The following TRAPPC8 variants were observed in gnomAD, a reference collection of about 807,000 sequenced individuals.
The protein encoded by TRAPPC8 is general sporulation gene 1 homolog.
In TRAPPC8, 54 loss-of-function variants were observed where a neutral mutation model predicts 174.3. The ratio of observed to expected loss-of-function variants is 0.31; its 90% CI spans 0.25 to 0.39. The LOEUF (loss-of-function observed/expected upper bound fraction) is 0.39. Among genes scored for constraint, TRAPPC8 ranks in the 10% least tolerant of loss-of-function variants. The pLI is 1.00. For synonymous variants in TRAPPC8, 630 were observed against 579.9 expected, an observed-to-expected ratio of 1.09 and a Z score of -1.24; for missense variants, 1,531 against 1,699.1, an observed-to-expected ratio of 0.90 and a Z score of 1.74.
At chr18:31,921,823 A>AT (rs1041611390) in intron 2 of TRAPPC8, among the ~76,000 whole-genome samples, 3 of 152,284 alleles carry the variant, frequency 2.0e-5, no homozygotes, top group Non-Finnish European at 4.4e-5. Flanking sequence ...GAGGTTATCC[A>AT]ATTATATATA....
In TRAPPC8 at chr18:31,896,664, C is replaced by T. The variant is rs142293285; in HGVS notation, c.1596+1122G>A. Among the ~76,000 whole-genome samples, 407 of 152,276 alleles carry T rather than the reference C, an allele frequency of 2.7e-3. 2 individuals carry two copies. The highest frequency in any genetic ancestry group is 8.8e-3 in the African/African-American group (367 of 41,556). ...TTGAGACAAATGAGTCTCGCTCTGT[C>T]GTCCAGGCTGGAGTGCAGTGGTGCG... On this transcript the variant is annotated intron_variant, in intron 11 of 28. Coordinates refer to ENST00000283351, the MANE Select transcript of TRAPPC8 (RefSeq NM_014939.5).
At chr18:31,885,762 A>G (rs75081354) in intron 12 of TRAPPC8, among the ~76,000 whole-genome samples, 6 of 151,840 alleles carry the variant, frequency 4.0e-5, no homozygotes, top group Admixed American at 1.3e-4. Context: ...CGGGAGGCTG[A>G]GGTGGAAGAA....
At chr18:31,859,608 G>T (rs578031738) in intron 19 of TRAPPC8, among the ~76,000 whole-genome samples, 1 of 152,104 alleles carries the variant, frequency 6.6e-6, no homozygotes, top group Non-Finnish European at 1.5e-5. Context: ...CATCAAGAAG[G>T]TTACAGCATT....
At chr18:31,940,947 C>A (rs976999105) in intron 1 of TRAPPC8, among the ~76,000 whole-genome samples, 17 of 107,674 alleles carry the variant, frequency 1.6e-4, no homozygotes, top group African/African-American at 5.7e-4. Flanking sequence ...CAAATCTTTC[C>A]CAGACGCAAA....
At chr18:31,941,080 ATTAT>A (rs1215041113) in intron 1 of TRAPPC8, among the ~76,000 whole-genome samples, 1 of 152,228 alleles carries the variant, frequency 6.6e-6, no homozygotes, top group Non-Finnish European at 1.5e-5. Flanking sequence ...TAGCATTATT[ATTAT>A]TTATTAAGAA....
At chr18:31,895,474 C>A (rs1389043078) in intron 11 of TRAPPC8, among the ~76,000 whole-genome samples, 1 of 152,054 alleles carries the variant, frequency 6.6e-6, no homozygotes, top group Non-Finnish European at 1.5e-5. Context: ...TCTAGACTTT[C>A]ATGATAAAAC....
Position 31,913,529 on chromosome 18 carries a change from C to A in TRAPPC8, c.618-7G>T. On this transcript the variant is annotated splice_region_variant and splice_polypyrimidine_tract_variant and intron_variant, in intron 4 of 28. Transcript: ENST00000283351. ...TTCATAAATTGATTCAGCTCTAAAA[C>A]AGAAAATGGAAAAAAATCTGAAGTA... 6.4e-7 allele frequency: 1 copy of A among 1,568,348 alleles called. No homozygotes were observed. Among genetic ancestry groups the A allele is most frequent in the Admixed American group, 2.0e-5 (1 of 49,270 alleles).
intron 1 of TRAPPC8, among the ~76,000 whole-genome samples, chr18:31,934,319 A>T (rs1001828853): frequency 3.3e-4 from 50 of 152,046 alleles, no homozygotes; most frequent in Admixed American, 1.0e-3. Context: ...TTTTTTTTTT[A>T]AAAGAAAAGA....
intron 2 of TRAPPC8, among the ~76,000 whole-genome samples, chr18:31,924,905 A>G (rs943952635): frequency 6.6e-6 from 1 of 152,132 alleles, no homozygotes; most frequent in Non-Finnish European, 1.5e-5. Context: ...TCCCACAACC[A>G]AATCATAACT....
intron 26 of TRAPPC8, among the ~76,000 whole-genome samples, chr18:31,846,197 A>C (rs2033392557): frequency 6.6e-6 from 1 of 152,200 alleles, no homozygotes; most frequent in Non-Finnish European, 1.5e-5. Context: ...TAAAGGTGCT[A>C]ATGAATTTTA....
intron 11 of TRAPPC8, among the ~76,000 whole-genome samples, chr18:31,893,380 GGTGTGTGTGTGTGT>G (rs10660521): frequency 6.7e-6 from 1 of 149,738 alleles, no homozygotes; most frequent in Admixed American, 6.7e-5. Flanking sequence ...TTTGCTTCTA[GGTGTGTGTGTGTGT>G]GTGTGTGTGC....
chr18:31,861,458 CT>C (rs1388848375), intron 19 of TRAPPC8, among the ~76,000 whole-genome samples: 1 of 152,112 alleles, frequency 6.6e-6, no homozygotes, highest in East Asian at 1.9e-4. Flanking sequence ...GTTTAAGCTT[CT>C]TTCCTAAGTG....
intron 12 of TRAPPC8, among the ~76,000 whole-genome samples, chr18:31,880,090 AATATATATATAT>A (rs1246506445): frequency 0.014 from 1,163 of 85,352 alleles, 23 homozygotes; most frequent in Non-Finnish European, 0.02. Context: ...TGAAAAAAAA[AATATATATATAT>A]ATATATATAT....
intron 14 of TRAPPC8, 29 bp from the exon 15 acceptor site, chr18:31,871,149 A>G (rs1312822704): frequency 1.1e-5 from 15 of 1,378,086 alleles, no homozygotes; most frequent in Non-Finnish European, 1.5e-5. Context: ...CAACACGTTT[A>G]TGAAGACTTG....
intron 12 of TRAPPC8, among the ~76,000 whole-genome samples, chr18:31,880,109 ATATATATATATATTT>A (rs1568082861): frequency 6.1e-4 from 57 of 92,862 alleles, no homozygotes; most frequent in African/African-American, 2.1e-3. Context: ...ATATATATAT[ATATATATATATATTT>A]TTTTTTTTTT....
rs138685802 is a variant in TRAPPC8 at position 31,940,214 on chromosome 18, C to T, written c.157+2394G>A. 1.9e-3 allele frequency among the ~76,000 whole-genome samples: 282 copies of T among 152,256 alleles called. 2 individuals are homozygous for T. The highest frequency in any genetic ancestry group is 6.7e-3 in the African/African-American group (279 of 41,574). On this transcript the variant is annotated intron_variant, in intron 1 of 28. Transcript: ENST00000283351. ...AATTTCGGCCGGGCACGGTGGCTCA[C>T]GCCTGTAATCCCAGCACTTTGGGAG...
intron 9 of TRAPPC8, among the ~76,000 whole-genome samples, chr18:31,903,506 T>TA (rs572992168): frequency 1.5e-3 from 222 of 152,256 alleles, no homozygotes; most frequent in African/African-American, 5.1e-3. Context: ...TAACCTTCAA[T>TA]AAGTAGAGAA....
chr18:31,846,354 G>A (rs887616702), intron 26 of TRAPPC8, among the ~76,000 whole-genome samples: 5 of 152,176 alleles, frequency 3.3e-5, no homozygotes, highest in Admixed American at 1.3e-4. Context: ...CAGGAGGATC[G>A]CTTGAGCCCA....
At chr18:31,903,041 C>G (rs1028081832) in intron 9 of TRAPPC8, among the ~76,000 whole-genome samples, 25 of 137,482 alleles carry the variant, frequency 1.8e-4, no homozygotes, top group Middle Eastern at 3.6e-3. Flanking sequence ...CAGCGAGACT[C>G]ATCTCAAAAA....
Sources: allele counts gnomAD v4.1 joint callset (sites outside exome capture counted in the v4.1 genomes callset), GRCh38; gene constraint gnomAD v4.1.1; transcripts MANE v1.5; gene names NCBI Gene and HGNC (gene_info 2026-07-23, HGNC 2026-07-21).